The following FER variants were observed in gnomAD, a reference collection of about 807,000 sequenced individuals.
The protein encoded by FER is tyrosine-protein kinase Fer.
In FER, 63 loss-of-function variants were observed where a neutral mutation model predicts 111.0. The ratio of observed to expected loss-of-function variants is 0.57; its 90% CI spans 0.46 to 0.70. FER has a LOEUF of 0.70. Among genes scored for constraint, FER ranks in the 30% least tolerant of loss-of-function variants. The pLI is 0.00. For synonymous variants in FER, 327 were observed against 313.9 expected, an observed-to-expected ratio of 1.04 and a Z score of -0.44; for missense variants, 914 against 954.0, an observed-to-expected ratio of 0.96 and a Z score of 0.55.
intron 5 of FER, among the ~76,000 whole-genome samples, chr5:108,860,965 A>G (rs572211019): frequency 6.6e-6 from 1 of 152,262 alleles, no homozygotes; most frequent in Admixed American, 6.5e-5. Flanking sequence ...CTATCACAAG[A>G]ACAGCATGGG....
At chr5:108,818,455 G>T (rs576217219) in intron 3 of FER, among the ~76,000 whole-genome samples, 1 of 151,970 alleles carries the variant, frequency 6.6e-6, no homozygotes, top group African/African-American at 2.4e-5. Context: ...AAGATAAAAA[G>T]AATAAATCTT....
At chr5:108,749,008 C>G (rs1404291516) in intron 1 of FER, 1 of 152,112 alleles carries the variant, frequency 6.6e-6, no homozygotes, top group East Asian at 2.0e-4. Flanking sequence ...GTGCGTTTCG[C>G]GCCGCCGGCG....
At chr5:109,115,414 A>G (rs962531308) in intron 17 of FER, among the ~76,000 whole-genome samples, 1 of 152,148 alleles carries the variant, frequency 6.6e-6, no homozygotes, top group African/African-American at 2.4e-5. Flanking sequence ...TGCCATACCT[A>G]TTCACCAGCC....
chr5:109,040,571 T>G (rs1323835838), intron 14 of FER, among the ~76,000 whole-genome samples: 2 of 152,114 alleles, frequency 1.3e-5, no homozygotes, highest in Non-Finnish European at 2.9e-5. Flanking sequence ...CTTGGAATGC[T>G]TTAGGTGAAA....
chr5:109,129,726 G>C (rs1219755575), intron 17 of FER, among the ~76,000 whole-genome samples: 1 of 152,004 alleles, frequency 6.6e-6, no homozygotes, highest in African/African-American at 2.4e-5. Context: ...ATTGGTACAA[G>C]GTTTTCGTAT....
rs1050541212 is a variant in FER at position 108,865,097 on chromosome 5, A to G, written c.482-2670A>G. 1.7e-4 allele frequency among the ~76,000 whole-genome samples: 26 copies of G among 152,196 alleles called. No individual in the cohort carries two copies. The South Asian group carries it at 5.0e-3, about 29-fold the overall frequency. On this transcript the variant is annotated intron_variant, in intron 5 of 19. Transcript: ENST00000281092. Reference sequence around the variant, plus strand: ...ACGTCCCTTGTAAGTTGGATTCCTAAGTATTTTATTCTCTTTGAAGCAATT... The same window carrying G: ...ACGTCCCTTGTAAGTTGGATTCCTAGGTATTTTATTCTCTTTGAAGCAATT...
chr5:108,814,041 T>C (rs1361952070), intron 3 of FER, among the ~76,000 whole-genome samples: 1 of 152,200 alleles, frequency 6.6e-6, no homozygotes, highest in African/African-American at 2.4e-5. Flanking sequence ...ATCTTTTGAC[T>C]TAATATATTT....
chr5:108,752,703 C>G (rs1164553213), intron 1 of FER, among the ~76,000 whole-genome samples: 2 of 151,902 alleles, frequency 1.3e-5, no homozygotes, highest in African/African-American at 2.4e-5. Context: ...TTTCTTGGTT[C>G]TTTTCAAGAA....
chr5:108,923,813 T>A (rs1753360180), intron 10 of FER, among the ~76,000 whole-genome samples: 1 of 152,184 alleles, frequency 6.6e-6, no homozygotes, highest in Admixed American at 6.5e-5. Flanking sequence ...CATTTACACA[T>A]AATTTATATT....
At chr5:109,053,295 A>G (rs1381637215) in intron 16 of FER, among the ~76,000 whole-genome samples, 2 of 150,782 alleles carry the variant, frequency 1.3e-5, no homozygotes, top group Non-Finnish European at 2.9e-5. Flanking sequence ...AGGGAGGAGA[A>G]TCGCTTGAAC....
In FER at chr5:109,014,798, G is replaced by A. The variant is rs190277791; in HGVS notation, c.1657-22624G>A. 667 of 152,178 alleles carry A rather than the reference G, an allele frequency of 4.4e-3. 4 individuals are homozygous for A. Among genetic ancestry groups the A allele is most frequent in the Non-Finnish European group, 5.4e-3 (365 of 67,936 alleles). 9.4% of individuals were successfully genotyped at this position (152,178 alleles called of 1,614,324 possible). On this transcript the variant is annotated intron_variant, in intron 13 of 19. Transcript: ENST00000281092. ...AGTTCTCCTTGAAGAGGTCCATCAC[G>A]TCCCTTGTAAGTTGGATTCCTAGGT... is the stretch of plus-strand genomic sequence containing the variant.
At chr5:108,758,084 G>T (rs569803689) in intron 1 of FER, among the ~76,000 whole-genome samples, 2 of 152,294 alleles carry the variant, frequency 1.3e-5, no homozygotes, top group African/African-American at 4.8e-5. Context: ...TAAAAATAAT[G>T]TAGAAATGTT....
intron 2 of FER, chr5:108,785,604 A>G (rs1478168908): frequency 7.1e-6 from 3 of 422,398 alleles, no homozygotes; most frequent in Non-Finnish European, 1.4e-5. Context: ...CTGGAAAAAA[A>G]AAAGTGGGGA....
intron 10 of FER, among the ~76,000 whole-genome samples, chr5:108,904,251 A>G (rs1010235116): frequency 2.6e-5 from 4 of 152,172 alleles, no homozygotes; most frequent in African/African-American, 9.7e-5. Flanking sequence ...AGTATGTCAC[A>G]TGGTGGTAAA....
At chr5:108,828,256 C>T (rs971070872) in intron 3 of FER, among the ~76,000 whole-genome samples, 2 of 152,056 alleles carry the variant, frequency 1.3e-5, no homozygotes, top group African/African-American at 4.8e-5. Context: ...TTAAAAAGCA[C>T]TTTTGATAAT....
chr5:108,923,605 G>T (rs763136751), intron 10 of FER, among the ~76,000 whole-genome samples: 2 of 152,022 alleles, frequency 1.3e-5, no homozygotes, highest in Admixed American at 6.6e-5. Flanking sequence ...GAATAAAGCA[G>T]GGATTTATAA....
At chr5:109,175,237 T>G (rs1461593815) in intron 17 of FER, among the ~76,000 whole-genome samples, 1 of 152,192 alleles carries the variant, frequency 6.6e-6, no homozygotes, top group Admixed American at 6.5e-5. Context: ...CAGTTTTGTA[T>G]GTGTGTGTGA....
intron 10 of FER, among the ~76,000 whole-genome samples, chr5:108,901,396 C>T (rs1460520161): frequency 6.6e-6 from 1 of 151,826 alleles, no homozygotes; most frequent in Non-Finnish European, 1.5e-5. Flanking sequence ...AGACAGAGGC[C>T]ATCAAGAGAG....
chr5:108,922,055 A>T (rs1242387041), intron 10 of FER, among the ~76,000 whole-genome samples: 1 of 152,210 alleles, frequency 6.6e-6, no homozygotes, highest in Non-Finnish European at 1.5e-5. Flanking sequence ...TACAGGGAAG[A>T]CAGCCATGAG....
Sources: allele counts gnomAD v4.1 joint callset (sites outside exome capture counted in the v4.1 genomes callset), GRCh38; gene constraint gnomAD v4.1.1; transcripts MANE v1.5; gene names NCBI Gene and HGNC (gene_info 2026-07-23, HGNC 2026-07-21).